The following UBR4 variants were observed in gnomAD, a reference collection of about 807,000 sequenced individuals.
The protein encoded by UBR4 is ubiquitin protein ligase E3 component n-recognin 4.
Under a neutral mutation model 575.6 loss-of-function variants are expected in UBR4, and 124 were observed. That is an observed-to-expected ratio of 0.22 (90% CI 0.19 to 0.25). The LOEUF (loss-of-function observed/expected upper bound fraction) is 0.25, where lower values mean the gene tolerates loss of function less well. UBR4 is among the 10% of genes least tolerant of loss of function. The pLI is 1.00. For synonymous variants in UBR4, 2,455 were observed against 2,473.7 expected (o/e 0.99, Z 0.22); for missense variants, 4,818 against 6,478.8 (o/e 0.74, Z 8.80).
At chr1:19,148,276 G>A in intron 50 of UBR4, 149 bp from the exon 51 acceptor site, 7 of 1,091,172 alleles carry the variant, frequency 6.4e-6, no homozygotes, top group Non-Finnish European at 7.6e-6. Context: ...AAAAGTTTCA[G>A]AAATTATAAT....
chr1:19,141,771 T>C lies in UBR4; in HGVS notation c.8186A>G (p.Lys2729Arg), dbSNP rs2083969661. Residue 2729 changes from lysine to arginine, a missense_variant, in exon 56 of 106, where the codon AAG (lysine) becomes AGG (arginine). By Grantham distance (26) the Lys-to-Arg change is conservative (BLOSUM62 2). Transcript: ENST00000375254. ...SPRSNTPMGDKDDDDDDDADE... is the reference protein window; with the variant it reads ...SPRSNTPMGDRDDDDDDDADE... ...TGCATCATCATCGTCATCATCATCC[T>C]TGTCTCCTGAGTCAAAGAAACCCCA... 5 of 1,614,112 alleles carry C rather than the reference T, an allele frequency of 3.1e-6. No individual in the cohort carries two copies. Among genetic ancestry groups the C allele is most frequent in the Non-Finnish European group, 4.2e-6 (5 of 1,179,986 alleles).
In UBR4 at chr1:19,177,873, A is replaced by G. The variant is rs1454653922; in HGVS notation, c.2355-130T>C. 4.3e-6 allele frequency: 5 copies of G among 1,149,684 alleles called. No homozygotes were observed. The Admixed American group carries it at 8.6e-5, about 20-fold the overall frequency. The allele number at this position is 1,149,684 out of a possible 1,614,324, so 71.2% of individuals were successfully genotyped here. On this transcript the variant is annotated intron_variant, in intron 18 of 105. Coordinates refer to ENST00000375254, the MANE Select transcript of UBR4 (RefSeq NM_020765.3). ...AGATAACAAATTAAGGAAGAAAAAA[A>G]GGCTACATGGTAAAGACAAGACAGA... is the stretch of plus-strand genomic sequence containing the variant.
At chr1:19,150,470 G>T in intron 49 of UBR4, 107 bp downstream of exon 49, 1 of 1,291,210 alleles carries the variant, frequency 7.7e-7, no homozygotes, top group Non-Finnish European at 1.1e-6. Flanking sequence ...AAAATTCCAG[G>T]CTAGCCTTGA....
At chr1:19,148,465 T>C (rs1392738343) in intron 50 of UBR4, 98 bp downstream of exon 50, 5 of 1,435,552 alleles carry the variant, frequency 3.5e-6, no homozygotes, top group East Asian at 2.3e-5. Flanking sequence ...TATGCTACTA[T>C]AAATGTTCTT....
intron 18 of UBR4, 41 bp downstream of exon 18, chr1:19,179,009 GA>G: frequency 6.3e-7 from 1 of 1,589,890 alleles, no homozygotes; most frequent in Non-Finnish European, 8.5e-7. Flanking sequence ...AATAAAAAAG[GA>G]AATAACTTTC....
chr1:19,190,312 A>AATATATATATATATAT (rs1553226959), intron 11 of UBR4, among the ~76,000 whole-genome samples: 37 of 79,834 alleles, frequency 4.6e-4, no homozygotes, highest in African/African-American at 1.4e-3. Flanking sequence ...AAAAAAAAAA[A>AATATATATATATATAT]ATATATATAT....
rs148168101 is a variant in UBR4 at position 19,205,337 on chromosome 1, G to A, written c.177-3522C>T. ...GAGGAGGGGCATCATAAAAGACTAA[G>A]GATTCACCTCCCTTCTCCCTCTTCA... is the stretch of plus-strand genomic sequence containing the variant. On this transcript the variant is annotated intron_variant, in intron 1 of 105. Coordinates refer to ENST00000375254, the MANE Select transcript of UBR4 (RefSeq NM_020765.3). Among the ~76,000 whole-genome samples, 148 of 152,250 alleles carry A rather than the reference G, an allele frequency of 9.7e-4. 1 individual carries two copies. Among genetic ancestry groups the A allele is most frequent in the Middle Eastern group, 6.8e-3 (2 of 292 alleles).
chr1:19,147,957 A>G (rs764954315), intron 51 of UBR4, 36 bp downstream of exon 51: 1 of 1,599,716 alleles, frequency 6.3e-7, no homozygotes, highest in Non-Finnish European at 8.5e-7. Context: ...ATTCCCTGTC[A>G]GCACTGCAAT....
Position 19,105,145 on chromosome 1 carries a change from T to G in UBR4, c.12548A>C (p.Tyr4183Ser). ...LSIAGECAAE[Y>S]LALYQKLITS... is the part of the protein sequence containing the mutation. ...GATGAGCTTCTGGTAGAGAGCCAGG[T>G]ACTCAGCTGCACACTCCCCAGCTAT... Residue 4183 changes from tyrosine to serine, a missense_variant, in exon 85 of 106, where the codon TAC becomes TCC. By Grantham distance (144) the Tyr-to-Ser change is moderately radical. Transcript: ENST00000375254. 6.2e-7 allele frequency: 1 copy of G among 1,614,084 alleles called. No homozygotes were observed. The highest frequency in any genetic ancestry group is 8.5e-7 in the Non-Finnish European group (1 of 1,179,998).
chr1:19,150,626 C>G lies in UBR4; in HGVS notation c.7381G>C (p.Asp2461His), dbSNP rs775142581. 6.2e-7 allele frequency: 1 copy of G among 1,614,032 alleles called. No individual in the cohort carries two copies. Among genetic ancestry groups the G allele is most frequent in the Non-Finnish European group, 8.5e-7 (1 of 1,180,028 alleles). Residue 2461 changes from aspartate (D) to histidine (H), a missense_variant, in exon 49 of 106, where the codon GAT (aspartate) becomes CAT (histidine). Coordinates refer to ENST00000375254, the MANE Select transcript of UBR4 (RefSeq NM_020765.3). Reference protein sequence around the residue: ...SNLNQSNGTGDSDSAAPTTTS... With the variant: ...SNLNQSNGTGHSDSAAPTTTS... ...GTAGTGGGGGCAGCTGAGTCGCTAT[C>G]TCCAGTGCCGTTGCTCTGGTTCAGA... is the stretch of plus-strand genomic sequence containing the variant.
rs1293500755 is a variant in UBR4 at position 19,139,354 on chromosome 1, T to A, written c.8594-134A>T. The A allele has an allele frequency of 3.3e-6, 4 of 1,196,866 alleles. No homozygotes were observed. The highest frequency in any genetic ancestry group is 4.3e-6 in the Non-Finnish European group (4 of 927,522). The allele number at this position is 1,196,866 out of a possible 1,614,324, so 74.1% of individuals were successfully genotyped here. ...CATAGGACACAATGCAGTTTATATA[T>A]CCTGTCGTCAAAGAAAAAAGGGAGA... is the stretch of plus-strand genomic sequence containing the variant. On this transcript the variant is annotated intron_variant, in intron 58 of 105. Coordinates refer to ENST00000375254, the MANE Select transcript of UBR4 (RefSeq NM_020765.3). This position sits in a 1 kb window ranked among gnomAD's most constrained non-coding sequence, Gnocchi z 4.2.
At chr1:19,169,641 C>G in intron 26 of UBR4, 109 bp from the exon 27 acceptor site, 1 of 779,854 alleles carries the variant, frequency 1.3e-6, no homozygotes, top group Non-Finnish European at 2.0e-6. Context: ...CCCAGGCTGT[C>G]AAAATAATTA....
At position 19,112,872 on chromosome 1, in the gene UBR4, G is replaced by GAA. The variant is rs759364342; in HGVS notation, c.11458-7_11458-6dup. 6.5e-7 allele frequency: 1 copy of GAA among 1,548,544 alleles called. No individual in the cohort carries two copies. Among genetic ancestry groups the GAA allele is most frequent in the East Asian group, 2.3e-5 (1 of 43,716 alleles). On this transcript the variant is annotated splice_region_variant and splice_polypyrimidine_tract_variant and intron_variant, in intron 77 of 105. Transcript: ENST00000375254. ...TTTGCGCGAAGCAAAGACTTTCTAA[G>GAA]AACAAAAAGGCAACAATAATGGGAA...
chr1:19,138,057 G>A lies in UBR4; in HGVS notation c.8856C>T (p.Ser2952=), dbSNP rs138959365. 1.6e-4 allele frequency: 258 copies of A among 1,589,112 alleles called. No individual in the cohort carries two copies. In the Middle Eastern group the frequency reaches 1.8e-3, roughly 11 times the overall value. The change falls in exon 60 of 106, where the codon TCC becomes TCT. Residue 2952 remains serine (S), a synonymous_variant. Coordinates refer to ENST00000375254, the MANE Select transcript of UBR4 (RefSeq NM_020765.3). ...TTTGHQEGDG[S]EGEGEGETEG... ...CAGTTTCTCCTTCTCCTTCTCCCTC[G>A]GAGCCATCTCCCTCCTGGTGCCCAG...
intron 65 of UBR4, 49 bp downstream of exon 65, chr1:19,124,492 C>T (rs754151149): frequency 6.2e-7 from 1 of 1,604,980 alleles, no homozygotes; most frequent in Non-Finnish European, 8.5e-7. Context: ...GAGGTGAATG[C>T]AGATGTGTCC....
intron 34 of UBR4, 43 bp from the exon 35 acceptor site, chr1:19,162,654 C>A: frequency 6.4e-7 from 1 of 1,566,808 alleles, no homozygotes; most frequent in South Asian, 1.2e-5. Flanking sequence ...CTCCATGTTT[C>A]ATTATGTAAA....
At chr1:19,169,108 TG>T (rs1314882641) in intron 27 of UBR4, among the ~76,000 whole-genome samples, 1 of 152,166 alleles carries the variant, frequency 6.6e-6, no homozygotes, top group Non-Finnish European at 1.5e-5. Context: ...TAACACGTAT[TG>T]GGAATTCGTG....
At chr1:19,148,755 A>G (rs1320731031) in intron 49 of UBR4, 129 bp from the exon 50 acceptor site, 34 of 948,484 alleles carry the variant, frequency 3.6e-5, no homozygotes, top group South Asian at 3.5e-4. Flanking sequence ...TCAAAGCACA[A>G]TAAGACCTGC....
At chr1:19,122,408 C>T (rs114742881) in intron 66 of UBR4, among the ~76,000 whole-genome samples, 18 of 152,204 alleles carry the variant, frequency 1.2e-4, no homozygotes, top group African/African-American at 3.9e-4. Context: ...TGTTCACATA[C>T]AAAATACTCA....
Sources: allele counts gnomAD v4.1 joint callset (sites outside exome capture counted in the v4.1 genomes callset), GRCh38; gene constraint gnomAD v4.1.1; non-coding constraint Gnocchi (gnomAD v3.1); transcripts MANE v1.5; gene names NCBI Gene and HGNC (gene_info 2026-07-23, HGNC 2026-07-21).